Variants in ATP13A5 observed in about 807,000 individuals in gnomAD.
The protein encoded by ATP13A5 is probable cation-transporting ATPase 13A5.
In ATP13A5, 149 loss-of-function variants were observed where a neutral mutation model predicts 150.2. The observed-to-expected ratio is 0.99, with a 90% CI of 0.87 to 1.14. The LOEUF is 1.14. Ranked by LOEUF, ATP13A5 falls within the 50% of genes most tolerant of loss-of-function variation. ATP13A5 has a pLI of 0.00. For missense variants in ATP13A5, 1,383 were observed against 1,449.3 expected (o/e 0.95, Z 0.74); for synonymous variants, 497 against 522.2 (o/e 0.95, Z 0.66).
chr3:193,365,475 C>T (rs1040472809), intron 1 of ATP13A5, among the ~76,000 whole-genome samples: 4 of 152,112 alleles, frequency 2.6e-5, no homozygotes, highest in African/African-American at 9.7e-5. Context: ...TGCTTTTAAG[C>T]ATGTTTTCTA....
At chr3:193,364,482 T>C (rs1473709545) in intron 1 of ATP13A5, among the ~76,000 whole-genome samples, 1 of 152,154 alleles carries the variant, frequency 6.6e-6, no homozygotes, top group African/African-American at 2.4e-5. Context: ...CCCTGGTATA[T>C]GGAACTAAAA....
chr3:193,328,133 T>C (rs1719533498), intron 12 of ATP13A5, among the ~76,000 whole-genome samples: 1 of 152,226 alleles, frequency 6.6e-6, no homozygotes, highest in Admixed American at 6.5e-5. Flanking sequence ...CCTAATGTCA[T>C]AGTGGCCTGT....
At chr3:193,292,246 T>G (rs1446818119) in intron 25 of ATP13A5, among the ~76,000 whole-genome samples, 1 of 152,088 alleles carries the variant, frequency 6.6e-6, no homozygotes, top group Non-Finnish European at 1.5e-5. Flanking sequence ...CTTTAGTGCT[T>G]GGAGTTCTCT....
chr3:193,317,419 A>G (rs8180090), intron 17 of ATP13A5, among the ~76,000 whole-genome samples: 31,328 of 152,090 alleles, frequency 0.21, 4,489 homozygotes, highest in African/African-American at 0.4. Flanking sequence ...TATTTTATTC[A>G]CTTCCAAATA....
At chr3:193,367,990 G>C (rs1049787095) in intron 1 of ATP13A5, among the ~76,000 whole-genome samples, 36 of 150,796 alleles carry the variant, frequency 2.4e-4, no homozygotes, top group Non-Finnish European at 3.7e-4. Context: ...GGGAAGGAAA[G>C]GGAAGGGGAG....
chr3:193,281,289 T>C, intron 27 of ATP13A5: 1 of 759,128 alleles, frequency 1.3e-6, no homozygotes, highest in Non-Finnish European at 1.6e-6. Context: ...TGGGGCTGAG[T>C]GGGGTGCACA....
chr3:193,361,586 A>G (rs908263279), intron 5 of ATP13A5, among the ~76,000 whole-genome samples: 1 of 152,222 alleles, frequency 6.6e-6, no homozygotes, highest in African/African-American at 2.4e-5. Flanking sequence ...AAAGGTGATT[A>G]TAAGATTCTG....
Position 193,378,717 on chromosome 3 carries a change from C to G in ATP13A5, c.9G>C (p.Glu3Asp), listed in dbSNP as rs763277989. 7 of 1,613,730 alleles carry G rather than the reference C, an allele frequency of 4.3e-6. No individual in the cohort carries two copies. Among genetic ancestry groups the G allele is most frequent in the South Asian group, 1.1e-5 (1 of 91,064 alleles). The change falls in exon 1 of 30, where the codon GAG (glutamate) becomes GAC (aspartate). Residue 3 changes from glutamate (E) to aspartate (D), a missense_variant. Around this residue, in one of 3 missense-constraint regions of ATP13A5, gnomAD observed 787 missense variants for 771.9 expected, o/e 1.02. Transcript: ENST00000342358. ...AAGCCCGATGGTCCTTCTTACTGTT[C>G]TCTTCCATCTGAACTCAACCGGCGA... is the stretch of plus-strand genomic sequence containing the variant. Reference protein sequence around the residue: MEENSKKDHRALL... With the variant: MEDNSKKDHRALL...
chr3:193,311,794 C>T (rs1191056734), intron 20 of ATP13A5, 22 bp downstream of exon 20: 3 of 1,612,598 alleles, frequency 1.9e-6, no homozygotes, highest in Admixed American at 1.7e-5. Flanking sequence ...CAAAACAAAA[C>T]ACTTCTTTCT....
In ATP13A5 at chr3:193,313,331, G is replaced by C. The variant is rs192967869; in HGVS notation, c.2319+702C>G. ...CGCTCTATACTTAACAATCTGAAAG[G>C]CTGGTCAGCCTGGAGGAAGGCAGCA... On this transcript the variant is annotated intron_variant, in intron 19 of 29. Transcript: ENST00000342358. The C allele has an allele frequency of 2.3e-3, 348 of 152,336 alleles. 1 individual carries two copies. Among genetic ancestry groups the C allele is most frequent in the African/African-American group, 7.7e-3 (319 of 41,562 alleles). The allele number at this position is 152,336 out of a possible 1,614,324, so 9.4% of individuals were successfully genotyped here. A position where few individuals can be genotyped will look rare whatever the true frequency, so the allele number is the denominator to read the frequency against.
At chr3:193,355,087 C>G (rs1424256529) in intron 5 of ATP13A5, among the ~76,000 whole-genome samples, 1 of 152,044 alleles carries the variant, frequency 6.6e-6, no homozygotes, top group East Asian at 1.9e-4. Flanking sequence ...CATGCACCAT[C>G]ATGCCAGGCT....
intron 7 of ATP13A5, among the ~76,000 whole-genome samples, chr3:193,347,150 C>G (rs1712371196): frequency 6.6e-6 from 1 of 152,130 alleles, no homozygotes; most frequent in Non-Finnish European, 1.5e-5. Context: ...GTATTTAAAA[C>G]CTGCAAGGCA....
intron 18 of ATP13A5, among the ~76,000 whole-genome samples, chr3:193,314,535 G>C (rs1311075665): frequency 6.6e-6 from 1 of 152,178 alleles, no homozygotes; most frequent in Admixed American, 6.5e-5. Flanking sequence ...CCATCCACGG[G>C]ATCTGGAAAC....
At chr3:193,364,306 T>C in intron 1 of ATP13A5, 26 bp from the exon 2 acceptor site, 1 of 1,598,498 alleles carries the variant, frequency 6.3e-7, no homozygotes, top group Non-Finnish European at 8.5e-7. Context: ...AAAAGATCGC[T>C]CTATTTTTCT....
At chr3:193,349,714 T>C (rs6444710) in intron 7 of ATP13A5, among the ~76,000 whole-genome samples, 142,325 of 152,132 alleles carry the variant, frequency 0.94, 66,662 homozygotes, top group Middle Eastern at 0.98. Flanking sequence ...TTTTTAAAGA[T>C]GTTAGATTTT....
chr3:193,367,368 C>T (rs1422368458), intron 1 of ATP13A5, among the ~76,000 whole-genome samples: 2 of 152,000 alleles, frequency 1.3e-5, no homozygotes, highest in Non-Finnish European at 2.9e-5. Flanking sequence ...GCAAAGAAAT[C>T]GTCAAGCCCA....
At chr3:193,341,147 T>C (rs1220286489) in intron 9 of ATP13A5, among the ~76,000 whole-genome samples, 1 of 148,890 alleles carries the variant, frequency 6.7e-6, no homozygotes, top group Non-Finnish European at 1.5e-5. Context: ...CAAGAGATAA[T>C]TTCTAAATTA....
In ATP13A5 at chr3:193,279,471, C is replaced by T; in HGVS notation, c.3227-17G>A. On this transcript the variant is annotated splice_polypyrimidine_tract_variant and intron_variant, in intron 27 of 29. Coordinates refer to ENST00000342358, the MANE Select transcript of ATP13A5 (RefSeq NM_198505.4). The stretch of plus-strand genomic sequence containing the variant: ...AAAATATATCTGAGGAAATACCAAA[C>T]ATTATTTTTAGATGTTAAAAGAATG... The T allele has an allele frequency of 6.3e-7, 1 of 1,596,744 alleles. No individual in the cohort carries two copies. Among genetic ancestry groups the T allele is most frequent in the Non-Finnish European group, 8.6e-7 (1 of 1,164,766 alleles).
At chr3:193,374,344 G>T (rs1454485233) in intron 1 of ATP13A5, among the ~76,000 whole-genome samples, 1 of 148,272 alleles carries the variant, frequency 6.7e-6, no homozygotes, top group Non-Finnish European at 1.5e-5. Flanking sequence ...ATAAGTGTGG[G>T]AAATAAGGTG....
Sources: allele counts gnomAD v4.1 joint callset (sites outside exome capture counted in the v4.1 genomes callset), GRCh38; gene constraint gnomAD v4.1.1; regional missense constraint gnomAD v4.1.1; transcripts MANE v1.5; gene names NCBI Gene and HGNC (gene_info 2026-07-23, HGNC 2026-07-21).